The following LSAMP variants were observed in gnomAD, a reference collection of about 807,000 sequenced individuals.
LSAMP encodes limbic system associated membrane protein.
LSAMP carries 7 observed loss-of-function variants against 38.6 expected under a neutral mutation model. The ratio of observed to expected loss-of-function variants is 0.18; its 90% CI spans 0.10 to 0.34. The LOEUF is 0.34. LSAMP is among the 10% of genes least tolerant of loss of function. LSAMP has a pLI of 1.00. For synonymous variants in LSAMP, 154 were observed against 166.8 expected, an observed-to-expected ratio of 0.92 and a Z score of 0.59; for missense variants, 313 against 420.0, an observed-to-expected ratio of 0.75 and a Z score of 2.23.
chr3:116,164,231 C>T (rs1709975485), intron 1 of LSAMP, among the ~76,000 whole-genome samples: 1 of 151,960 alleles, frequency 6.6e-6, no homozygotes, highest in African/African-American at 2.4e-5. Context: ...CTGGTTTCCA[C>T]AGTTAGATTA....
In LSAMP at chr3:116,362,800, C is replaced by T. The variant is rs766489880; in HGVS notation, c.155+82077G>A. Among the ~76,000 whole-genome samples, 5 of 80,822 alleles carry T rather than the reference C, an allele frequency of 6.2e-5. 1 individual carries two copies. Among genetic ancestry groups the T allele is most frequent in the African/African-American group, 4.3e-4 (5 of 11,620 alleles). 53.0% of individuals were successfully genotyped at this position (80,822 alleles called of 152,430 possible). On this transcript the variant is annotated intron_variant, in intron 1 of 6. Transcript: ENST00000490035. The stretch of plus-strand genomic sequence containing the variant: ...AAATGAAGGCAGAAATAAAGATGTT[C>T]TTTGAAACCAACGAGAACAAAGACA...
chr3:116,279,035 T>A (rs1324222250), intron 1 of LSAMP, among the ~76,000 whole-genome samples: 1 of 152,192 alleles, frequency 6.6e-6, no homozygotes, highest in Non-Finnish European at 1.5e-5. Context: ...TGTAGGAGAA[T>A]TTTCATTAAC....
At chr3:115,995,415 A>G (rs368552351) in intron 3 of LSAMP, among the ~76,000 whole-genome samples, 49 of 152,188 alleles carry the variant, frequency 3.2e-4, no homozygotes, top group African/African-American at 1.1e-3. Flanking sequence ...TGCATGGCAC[A>G]CTGATAGAAG....
At chr3:116,426,455 C>G (rs1576216042) in intron 1 of LSAMP, among the ~76,000 whole-genome samples, 3 of 104,906 alleles carry the variant, frequency 2.9e-5, no homozygotes, top group Non-Finnish European at 5.8e-5. Context: ...AGGCGAAACT[C>G]CGTCTCAAAA....
intron 3 of LSAMP, among the ~76,000 whole-genome samples, chr3:115,992,602 C>T (rs1021166228): frequency 6.6e-6 from 1 of 151,992 alleles, no homozygotes; most frequent in Non-Finnish European, 1.5e-5. Context: ...AGATTCATTA[C>T]ACAAACTTTT....
At chr3:116,067,120 A>G (rs1707474428) in intron 2 of LSAMP, among the ~76,000 whole-genome samples, 1 of 152,148 alleles carries the variant, frequency 6.6e-6, no homozygotes, top group Admixed American at 6.5e-5. Context: ...CAAATCCCAC[A>G]ATCCTCACTT....
intron 2 of LSAMP, among the ~76,000 whole-genome samples, chr3:116,036,512 T>G (rs1168726841): frequency 6.6e-6 from 1 of 152,194 alleles, no homozygotes; most frequent in Non-Finnish European, 1.5e-5. Context: ...ACTTTTGTCT[T>G]CACTGCCTGT....
In LSAMP at chr3:116,166,957, AT is replaced by A. The variant is rs575835074; in HGVS notation, c.156-80402del. On this transcript the variant is annotated intron_variant, in intron 1 of 6. Transcript: ENST00000490035. ...AGGCGCCCGCCACCAGGCCCGGCTA[AT>A]TTTTTTGTATTTTTAGTAGAGACGG... Among the ~76,000 whole-genome samples, 438 of 151,382 alleles carry A rather than the reference AT, an allele frequency of 2.9e-3. 1 individual carries two copies. The highest frequency in any genetic ancestry group is 4.3e-3 in the Non-Finnish European group (294 of 67,760).
intron 1 of LSAMP, among the ~76,000 whole-genome samples, chr3:116,386,942 G>A (rs1291838416): frequency 6.6e-6 from 1 of 152,058 alleles, no homozygotes; most frequent in Non-Finnish European, 1.5e-5. Flanking sequence ...AGATATGTCT[G>A]GTCAAATAAA....
At chr3:116,423,408 C>A (rs879496074) in intron 1 of LSAMP, among the ~76,000 whole-genome samples, 9 of 152,112 alleles carry the variant, frequency 5.9e-5, no homozygotes, top group Non-Finnish European at 1.0e-4. Context: ...TCTCTAGAGT[C>A]TAGATCCAAT....
rs1941387756 is a variant in LSAMP, at chr3:116,051,098, A to G, written c.389-31458T>C. 2.0e-5 allele frequency: 3 copies of G among 152,318 alleles called. No individual in the cohort carries two copies. In the South Asian group the frequency reaches 6.2e-4, roughly 32 times the overall value. 9.4% of individuals were successfully genotyped at this position (152,318 alleles called of 1,614,324 possible). On this transcript the variant is annotated intron_variant, in intron 2 of 6. Transcript: ENST00000490035. ...ATTTGGGAGCCTCATTTTCCCCTCC[A>G]GAGGTAATGGAATCTACAATTCAAA... is the stretch of plus-strand genomic sequence containing the variant.
At chr3:116,220,192 AC>A (rs1490946462) in intron 1 of LSAMP, among the ~76,000 whole-genome samples, 1 of 151,374 alleles carries the variant, frequency 6.6e-6, no homozygotes, top group African/African-American at 2.4e-5. Context: ...CAAAACACAC[AC>A]ACACACACAC....
At chr3:116,113,296 C>G (rs1708658531) in intron 1 of LSAMP, among the ~76,000 whole-genome samples, 1 of 150,182 alleles carries the variant, frequency 6.7e-6, no homozygotes, top group Non-Finnish European at 1.5e-5. Context: ...TCTCTTTATC[C>G]CAAGTCACAC....
intron 4 of LSAMP, among the ~76,000 whole-genome samples, chr3:115,846,540 A>G (rs1030976055): frequency 5.3e-5 from 8 of 152,194 alleles, no homozygotes; most frequent in Non-Finnish European, 1.0e-4. Flanking sequence ...TATCCAAATA[A>G]TTAGCCCTAG....
intron 3 of LSAMP, among the ~76,000 whole-genome samples, chr3:115,942,910 G>T (rs1029731221): frequency 1.3e-5 from 2 of 152,170 alleles, no homozygotes; most frequent in East Asian, 3.9e-4. Flanking sequence ...GTCAACATTA[G>T]TGCTTTATCA....
chr3:115,931,312 C>A (rs1937577101), intron 3 of LSAMP, among the ~76,000 whole-genome samples: 1 of 152,186 alleles, frequency 6.6e-6, no homozygotes, highest in South Asian at 2.1e-4. Context: ...ATCTCAGGAT[C>A]CCTCACTAAC....
At chr3:115,892,371 G>T (rs1014877297) in intron 3 of LSAMP, among the ~76,000 whole-genome samples, 4 of 151,976 alleles carry the variant, frequency 2.6e-5, no homozygotes, top group African/African-American at 4.8e-5. Context: ...TAGTAGAATA[G>T]ACTCTAAACA....
intron 1 of LSAMP, among the ~76,000 whole-genome samples, chr3:116,335,944 T>C (rs1005019043): frequency 1.3e-5 from 2 of 152,064 alleles, no homozygotes; most frequent in African/African-American, 4.8e-5. Context: ...GTTGAACTAT[T>C]GTTAAGCTGT....
At chr3:116,172,994 T>G (rs573173954) in intron 1 of LSAMP, among the ~76,000 whole-genome samples, 28 of 152,098 alleles carry the variant, frequency 1.8e-4, no homozygotes, top group African/African-American at 6.7e-4. Flanking sequence ...AACACAGAGC[T>G]GAGTAAATTG....
Sources: gnomAD v4.1 joint callset for allele counts (sites outside exome capture counted in the v4.1 genomes callset) on GRCh38, gnomAD v4.1.1 for gene constraint, MANE v1.5 for transcripts, NCBI Gene and HGNC (gene_info 2026-07-23, HGNC 2026-07-21) for gene names.